SCAPER: variants seen among roughly 807,000 people sequenced by gnomAD.
SCAPER encodes S-phase cyclin A associated protein in the ER.
SCAPER carries 98 observed loss-of-function variants against 182.2 expected under a neutral mutation model. The ratio of observed to expected loss-of-function variants is 0.54; its 90% CI spans 0.46 to 0.64. SCAPER has a LOEUF of 0.64. Ranked by LOEUF, SCAPER falls within the 30% of genes least tolerant of loss-of-function variation. The probability of loss-of-function intolerance (pLI) is 0.00; values close to 1 mark genes in which losing one functional copy is unlikely to be tolerated. For synonymous variants in SCAPER, 605 were observed against 564.6 expected (o/e 1.07, Z -1.01); for missense variants, 1,432 against 1,690.0 (o/e 0.85, Z 2.68).
chr15:76,608,491 C>T (rs1411856654), intron 22 of SCAPER, among the ~76,000 whole-genome samples: 2 of 152,170 alleles, frequency 1.3e-5, no homozygotes, highest in African/African-American at 4.8e-5. Flanking sequence ...GGCAGTCTGC[C>T]CGTTCTCAGA....
At chr15:76,766,417 A>G (rs956476136) in intron 11 of SCAPER, among the ~76,000 whole-genome samples, 1 of 152,186 alleles carries the variant, frequency 6.6e-6, no homozygotes, top group Admixed American at 6.5e-5. Context: ...ATAGAATACA[A>G]AAGTAAAATA....
intron 23 of SCAPER, among the ~76,000 whole-genome samples, chr15:76,510,975 A>G (rs1305405341): frequency 1.3e-5 from 2 of 152,174 alleles, no homozygotes; most frequent in Non-Finnish European, 2.9e-5. Flanking sequence ...ACTGGAGACT[A>G]TTATTTTAAG....
At chr15:76,754,164 T>C (rs542222397) in intron 14 of SCAPER, among the ~76,000 whole-genome samples, 1 of 152,194 alleles carries the variant, frequency 6.6e-6, no homozygotes, top group South Asian at 2.1e-4. Context: ...ACAACTTTTT[T>C]AGCCTATGTC....
chr15:76,349,955 ACTT>A (rs1333333832), intron 31 of SCAPER: 1 of 152,144 alleles, frequency 6.6e-6, no homozygotes, highest in Non-Finnish European at 1.5e-5. Flanking sequence ...AAATGCTTAT[ACTT>A]CTTAGTGGCA....
At chr15:76,447,754 AT>A (rs1386346649) in intron 25 of SCAPER, among the ~76,000 whole-genome samples, 1 of 152,190 alleles carries the variant, frequency 6.6e-6, no homozygotes, top group Non-Finnish European at 1.5e-5. Context: ...TTCATTGAAC[AT>A]TTTTTGAATA....
At position 76,434,246 on chromosome 15, in the gene SCAPER, C is replaced by G. The variant is rs181570462; in HGVS notation, c.3143G>C (p.Gly1048Ala). 8 of 1,613,610 alleles carry G rather than the reference C, an allele frequency of 5.0e-6. No homozygotes were observed. The highest frequency in any genetic ancestry group is 2.7e-5 in the African/African-American group (2 of 74,950). ...GRNTNKQVFE[G>A]LTTGLLKVSA... is the part of the protein sequence containing the mutation. ...GACTTTGAGAAGTCCAGTTGTCAAG[C>G]CTTCAAAAACTTGTTTATTTGTATT... Residue 1048 changes from glycine (G) to alanine (A), a missense_variant, in exon 26 of 32, where the codon GGC (glycine) becomes GCC (alanine). This residue lies in a region of SCAPER where 718 missense variants were observed against 799.7 expected (regional missense o/e 0.90). Coordinates refer to ENST00000563290, the MANE Select transcript of SCAPER (RefSeq NM_020843.4).
intron 24 of SCAPER, among the ~76,000 whole-genome samples, chr15:76,487,894 G>C (rs142072258): frequency 6.6e-6 from 1 of 152,022 alleles, no homozygotes; most frequent in Non-Finnish European, 1.5e-5. Flanking sequence ...TGCATACTTG[G>C]AATCAGCCAC....
chr15:76,827,123 C>A (rs2068079405), intron 5 of SCAPER, among the ~76,000 whole-genome samples: 1 of 152,068 alleles, frequency 6.6e-6, no homozygotes, highest in Non-Finnish European at 1.5e-5. Flanking sequence ...ATTCTTCCAC[C>A]AAATTGACTT....
At chr15:76,403,406 T>G (rs2044607137) in intron 27 of SCAPER, among the ~76,000 whole-genome samples, 1 of 152,216 alleles carries the variant, frequency 6.6e-6, no homozygotes, top group African/African-American at 2.4e-5. Context: ...TTCCCTGACT[T>G]CTCTAGACAG....
chr15:76,826,651 T>C (rs941798991), intron 5 of SCAPER, among the ~76,000 whole-genome samples: 1 of 151,790 alleles, frequency 6.6e-6, no homozygotes, highest in African/African-American at 2.4e-5. Flanking sequence ...AGCATGGATG[T>C]TCCCTCCTAA....
In SCAPER at chr15:76,381,374, G is replaced by T; in HGVS notation, c.3705+4C>A. 6.2e-7 allele frequency: 1 copy of T among 1,608,420 alleles called. No homozygotes were observed. On this transcript the variant is annotated splice_donor_region_variant and intron_variant, in intron 28 of 31. Transcript: ENST00000563290. ...TAACATCGATATAAACCAATACTTG[G>T]TACCTGAAAAGCAGGCAGATGAAGA...
chr15:76,721,912 C>A (rs1485898035), intron 17 of SCAPER, among the ~76,000 whole-genome samples: 1 of 152,162 alleles, frequency 6.6e-6, no homozygotes, highest in Non-Finnish European at 1.5e-5. Flanking sequence ...ATTGAATGCC[C>A]TTTATTTCCT....
At chr15:76,396,554 C>T (rs1171221287) in intron 27 of SCAPER, among the ~76,000 whole-genome samples, 2 of 151,964 alleles carry the variant, frequency 1.3e-5, no homozygotes, top group Admixed American at 1.3e-4. Flanking sequence ...TGGTTAATTT[C>T]TACATATTTA....
At position 76,858,328 on chromosome 15, in the gene SCAPER, A is replaced by G. The variant is rs1010501701; in HGVS notation, c.125-449T>C. On this transcript the variant is annotated intron_variant, in intron 3 of 31. Transcript: ENST00000563290. ...TATTTTGTTTTATCTGATATATGAA[A>G]TGCACAATTTCACTGCGAAAAGTGA... is the stretch of plus-strand genomic sequence containing the variant. Among the ~76,000 whole-genome samples the G allele has an allele frequency of 1.6e-4, 25 of 152,346 alleles. No individual in the cohort carries two copies. In the East Asian group the frequency reaches 2.7e-3, roughly 16 times the overall value.
intron 10 of SCAPER, 101 bp downstream of exon 10, chr15:76,771,641 T>C (rs2063476468): frequency 1.2e-6 from 1 of 815,502 alleles, no homozygotes; most frequent in African/African-American, 1.8e-5. Context: ...AAAAATGCTT[T>C]AAAAAGTATA....
Position 76,354,930 on chromosome 15 carries a change from A to G in SCAPER, c.3856-790T>C, listed in dbSNP as rs1037507272. Among the ~76,000 whole-genome samples, 1 of 152,246 alleles carries G rather than the reference A, an allele frequency of 6.6e-6. No homozygotes were observed. Among genetic ancestry groups the G allele is most frequent in the African/African-American group, 2.4e-5 (1 of 41,470 alleles). ...ATCTGTTTCAAGTAACCTTGATTAG[A>G]CAGTTCTAATATGAAAGAGCTGGGT... is the stretch of plus-strand genomic sequence containing the variant. On this transcript the variant is annotated intron_variant, in intron 29 of 31. Transcript: ENST00000563290. The surrounding 1 kb of genome is among the most constrained non-coding windows in gnomAD (Gnocchi z 4.4).
intron 5 of SCAPER, among the ~76,000 whole-genome samples, chr15:76,839,752 C>G (rs1184141817): frequency 6.6e-6 from 1 of 152,074 alleles, no homozygotes; most frequent in African/African-American, 2.4e-5. Flanking sequence ...GTGACAGAAC[C>G]AGAAATAAAA....
At chr15:76,375,504 C>T (rs1210368099) in intron 29 of SCAPER, among the ~76,000 whole-genome samples, 1 of 152,006 alleles carries the variant, frequency 6.6e-6, no homozygotes, top group Non-Finnish European at 1.5e-5. Context: ...ATGTAAACTA[C>T]CTTATCAAAA....
intron 6 of SCAPER, among the ~76,000 whole-genome samples, chr15:76,802,077 A>AAT (rs1555611188): frequency 2.6e-5 from 4 of 151,328 alleles, no homozygotes; most frequent in African/African-American, 7.3e-5. Flanking sequence ...AAAAAAAAAA[A>AAT]TTTTTTTTTA....
Sources: gnomAD v4.1 joint callset for allele counts (sites outside exome capture counted in the v4.1 genomes callset) on GRCh38, gnomAD v4.1.1 for gene constraint, gnomAD v4.1.1 regional missense constraint, Gnocchi (gnomAD v3.1) non-coding constraint, MANE v1.5 for transcripts, NCBI Gene and HGNC (gene_info 2026-07-23, HGNC 2026-07-21) for gene names.